COL25A1: variants seen among roughly 807,000 people sequenced by gnomAD.
COL25A1 encodes collagen alpha-1(XXV) chain.
In COL25A1, 103 loss-of-function variants were observed where a neutral mutation model predicts 128.4. That is an observed-to-expected ratio of 0.80 (90% CI 0.68 to 0.94). The LOEUF (loss-of-function observed/expected upper bound fraction) is 0.94, where lower values mean the gene tolerates loss of function less well. Ranked by LOEUF, COL25A1 falls within the 40% of genes least tolerant of loss-of-function variation. The probability of loss-of-function intolerance (pLI) is 0.00; values close to 1 mark genes in which losing one functional copy is unlikely to be tolerated. For synonymous variants in COL25A1, 279 were observed against 277.2 expected (o/e 1.01, Z -0.06); for missense variants, 745 against 840.0 (o/e 0.89, Z 1.40).
intron 3 of COL25A1, among the ~76,000 whole-genome samples, chr4:109,198,127 G>A (rs368757421): frequency 3.9e-5 from 6 of 151,954 alleles, no homozygotes; most frequent in East Asian, 1.9e-4. Context: ...TACCCCGGTC[G>A]TCTCAAAGAT....
chr4:109,142,851 A>T (rs1259222658), intron 3 of COL25A1, among the ~76,000 whole-genome samples: 2 of 151,422 alleles, frequency 1.3e-5, no homozygotes, highest in Non-Finnish European at 2.9e-5. Flanking sequence ...ATGGGTCTTG[A>T]CTCTTTATCC....
rs576746369 is a variant in COL25A1 at position 109,054,251 on chromosome 4, A to G, written c.368-4072T>C. Among the ~76,000 whole-genome samples the G allele has an allele frequency of 2.0e-5, 3 of 152,380 alleles. No homozygotes were observed. In the South Asian group the frequency reaches 6.2e-4, roughly 32 times the overall value. On this transcript the variant is annotated intron_variant, in intron 3 of 37. Transcript: ENST00000399132. ...ACTATTCAAGGAGGCAATTTAATAT[A>G]CTAAAGACAACATGGAACACAGAGT...
chr4:109,012,802 G>C (rs145001540), intron 5 of COL25A1, among the ~76,000 whole-genome samples: 3 of 152,184 alleles, frequency 2.0e-5, no homozygotes, highest in African/African-American at 7.2e-5. Flanking sequence ...GACGGGTGCC[G>C]CCCCCTGCTC....
chr4:108,978,901 CTTTT>C (rs1752691022), intron 6 of COL25A1, among the ~76,000 whole-genome samples: 1 of 152,132 alleles, frequency 6.6e-6, no homozygotes, highest in South Asian at 2.1e-4. Context: ...ATAGTCAGAT[CTTTT>C]ATAAGCCCCA....
At chr4:109,007,413 TATG>T (rs1274319807) in intron 6 of COL25A1, among the ~76,000 whole-genome samples, 1 of 152,162 alleles carries the variant, frequency 6.6e-6, no homozygotes, top group East Asian at 1.9e-4. Flanking sequence ...GGAAAAATAT[TATG>T]ATAATGATGT....
At chr4:108,819,431 C>T (rs767820097) in intron 35 of COL25A1, 102 bp from the exon 36 acceptor site, 34 of 898,124 alleles carry the variant, frequency 3.8e-5, no homozygotes, top group Non-Finnish European at 5.7e-5. Context: ...GGGAGAGGAG[C>T]AACTCTGAAG....
At chr4:109,060,306 C>T (rs931236574) in intron 3 of COL25A1, among the ~76,000 whole-genome samples, 3 of 152,216 alleles carry the variant, frequency 2.0e-5, no homozygotes, top group African/African-American at 7.2e-5. Flanking sequence ...AAAGAGCAAC[C>T]TCTAATCCTT....
chr4:109,079,240 T>C (rs543713911), intron 3 of COL25A1, among the ~76,000 whole-genome samples: 1 of 152,362 alleles, frequency 6.6e-6, no homozygotes, highest in South Asian at 2.1e-4. Flanking sequence ...GATTTCCATT[T>C]GTTTTCAGTG....
chr4:109,218,357 G>GTTTTTTGTTTGTTTGTTTGTTTTT (rs1778164499), intron 3 of COL25A1, among the ~76,000 whole-genome samples: 5 of 73,564 alleles, frequency 6.8e-5, no homozygotes, highest in African/African-American at 2.8e-4. Context: ...GTTTTTTGGG[G>GTTTTTTGTTTGTTTGTTTGTTTTT]TTTTTTTTTT....
intron 5 of COL25A1, among the ~76,000 whole-genome samples, chr4:109,015,196 C>T (rs1337896498): frequency 2.0e-5 from 3 of 152,226 alleles, no homozygotes; most frequent in Admixed American, 6.5e-5. Context: ...CAAAAAGAAA[C>T]ACCTCAGCAT....
chr4:108,994,454 G>T (rs1754547310), intron 6 of COL25A1, among the ~76,000 whole-genome samples: 1 of 152,212 alleles, frequency 6.6e-6, no homozygotes, highest in Non-Finnish European at 1.5e-5. Flanking sequence ...TAAACAAAGT[G>T]GCTGGGAAGC....
chr4:109,174,377 T>C (rs1282955784), intron 3 of COL25A1, among the ~76,000 whole-genome samples: 2 of 152,172 alleles, frequency 1.3e-5, no homozygotes, highest in African/African-American at 2.4e-5. Context: ...TTCCTTTTTA[T>C]CACAGGGACC....
chr4:108,842,081 A>AAATATGACTTC (rs1435780127), intron 30 of COL25A1, among the ~76,000 whole-genome samples: 2 of 152,186 alleles, frequency 1.3e-5, no homozygotes, highest in Non-Finnish European at 2.9e-5. Context: ...AATGAAATAA[A>AAATATGACTTC]AATATGACTT....
At chr4:108,973,663 G>A (rs1448370110) in intron 8 of COL25A1, among the ~76,000 whole-genome samples, 3 of 152,070 alleles carry the variant, frequency 2.0e-5, no homozygotes, top group South Asian at 2.1e-4. Context: ...GAGGTATGTC[G>A]AACGGAGCCA....
intron 6 of COL25A1, among the ~76,000 whole-genome samples, chr4:108,981,886 TACTTG>T (rs371134253): frequency 4.9e-4 from 75 of 152,326 alleles, no homozygotes; most frequent in African/African-American, 1.7e-3. Flanking sequence ...ATTTTTCAGA[TACTTG>T]ACTTGAGGAT....
At chr4:109,281,960 C>G (rs1444565826) in intron 3 of COL25A1, among the ~76,000 whole-genome samples, 1 of 152,134 alleles carries the variant, frequency 6.6e-6, no homozygotes, top group African/African-American at 2.4e-5. Flanking sequence ...AGTGAGTGCT[C>G]TTTCTAAGTC....
rs1380150027 is a variant in COL25A1, at chr4:109,102,983, A to C, written c.368-52804T>G. ...TCTAACTTGCTGTGTATTTAAGCAG[A>C]TATTTATAAATCATGTAAATACTAT... On this transcript the variant is annotated intron_variant, in intron 3 of 37. Transcript: ENST00000399132. Among the ~76,000 whole-genome samples the C allele has an allele frequency of 3.3e-5, 5 of 152,170 alleles. No individual in the cohort carries two copies. In the East Asian group the frequency reaches 9.6e-4, roughly 29 times the overall value.
At chr4:109,205,215 A>C (rs1776880919) in intron 3 of COL25A1, among the ~76,000 whole-genome samples, 2 of 152,200 alleles carry the variant, frequency 1.3e-5, no homozygotes, top group Admixed American at 1.3e-4. Flanking sequence ...ACAATCATAG[A>C]GTTGATACAT....
intron 3 of COL25A1, among the ~76,000 whole-genome samples, chr4:109,213,797 T>A (rs1414890497): frequency 1.3e-5 from 2 of 152,180 alleles, no homozygotes; most frequent in African/African-American, 4.8e-5. Context: ...CTGTCCAAAT[T>A]GTAAGTTTAA....
Sources: allele counts gnomAD v4.1 joint callset (sites outside exome capture counted in the v4.1 genomes callset), GRCh38; gene constraint gnomAD v4.1.1; transcripts MANE v1.5; gene names NCBI Gene and HGNC (gene_info 2026-07-23, HGNC 2026-07-21).